Variants in TRAF3IP1 observed in about 807,000 individuals in gnomAD.
The protein encoded by TRAF3IP1 is TRAF3-interacting protein 1.
Under a neutral mutation model 89.9 loss-of-function variants are expected in TRAF3IP1, and 53 were observed. The ratio of observed to expected loss-of-function variants is 0.59; its 90% CI spans 0.47 to 0.74. The LOEUF (loss-of-function observed/expected upper bound fraction) is 0.74, where lower values mean the gene tolerates loss of function less well. Among genes scored for constraint, TRAF3IP1 ranks in the 30% least tolerant of loss-of-function variants. The pLI, the probability that TRAF3IP1 is intolerant of heterozygous loss-of-function variation, is 0.00. For synonymous variants in TRAF3IP1, 311 were observed against 322.1 expected, an observed-to-expected ratio of 0.97 and a Z score of 0.37; for missense variants, 806 against 866.1, an observed-to-expected ratio of 0.93 and a Z score of 0.87.
At chr2:238,346,661 C>T (rs1698907737) in intron 9 of TRAF3IP1, among the ~76,000 whole-genome samples, 1 of 152,216 alleles carries the variant, frequency 6.6e-6, no homozygotes, top group African/African-American at 2.4e-5. Context: ...CTCGAGGCTG[C>T]ATGAACTGTT....
In TRAF3IP1 at chr2:238,324,267, C is replaced by T. The variant is rs184551124; in HGVS notation, c.124-1039C>T. 3.6e-3 allele frequency among the ~76,000 whole-genome samples: 541 copies of T among 152,264 alleles called. 1 individual carries two copies. The highest frequency in any genetic ancestry group is 6.2e-3 in the Non-Finnish European group (420 of 68,018). Reference sequence around the variant, plus strand: ...ATTTTTAGTAGAGACGGGGTTTCACCTTGTTGGCCAGGCTGGTCTTGAACT... The same window carrying T: ...ATTTTTAGTAGAGACGGGGTTTCACTTTGTTGGCCAGGCTGGTCTTGAACT... On this transcript the variant is annotated intron_variant, in intron 1 of 16. Transcript: ENST00000373327.
rs1421815261 is a variant in TRAF3IP1, at chr2:238,320,535, C to A, written c.-128C>A. The A allele has an allele frequency of 3.9e-6, 4 of 1,016,622 alleles. No individual in the cohort carries two copies. Among genetic ancestry groups the A allele is most frequent in the South Asian group, 8.9e-5 (2 of 22,436 alleles). 63.0% of individuals were successfully genotyped at this position (1,016,622 alleles called of 1,614,324 possible). On this transcript the variant is annotated 5_prime_UTR_variant, in exon 1 of 17. Coordinates refer to ENST00000373327, the MANE Select transcript of TRAF3IP1 (RefSeq NM_015650.4). ...GCTCCGGTGCACTGTGGGATGGAAACCGGAGCGGCGCGTCCTGGCAGGACC... is the reference window on the plus strand; with the variant it reads ...GCTCCGGTGCACTGTGGGATGGAAAACGGAGCGGCGCGTCCTGGCAGGACC...
intron 3 of TRAF3IP1, among the ~76,000 whole-genome samples, chr2:238,328,182 C>T (rs778995183): frequency 6.6e-6 from 1 of 152,176 alleles, no homozygotes; most frequent in Non-Finnish European, 1.5e-5. Flanking sequence ...ATAATGGCTG[C>T]ATCATTTTAC....
intron 15 of TRAF3IP1, among the ~76,000 whole-genome samples, chr2:238,381,268 A>C (rs1700539484): frequency 6.6e-6 from 1 of 151,954 alleles, no homozygotes; most frequent in African/African-American, 2.4e-5. Flanking sequence ...TGGGGCAAAA[A>C]CCAGTGAGGG....
chr2:238,336,345 G>A (rs1006339213), intron 7 of TRAF3IP1, among the ~76,000 whole-genome samples: 1 of 152,018 alleles, frequency 6.6e-6, no homozygotes, highest in South Asian at 2.1e-4. Flanking sequence ...CCTGCTAGCC[G>A]GGCACTGACC....
At chr2:238,367,802 A>T (rs972941865) in intron 15 of TRAF3IP1, among the ~76,000 whole-genome samples, 14 of 152,286 alleles carry the variant, frequency 9.2e-5, no homozygotes, top group African/African-American at 3.1e-4. Context: ...ATCTAGCCCC[A>T]AAGTACAGGT....
intron 7 of TRAF3IP1, among the ~76,000 whole-genome samples, chr2:238,337,419 C>T (rs1559361631): frequency 6.6e-6 from 1 of 152,138 alleles, no homozygotes; most frequent in Non-Finnish European, 1.5e-5. Context: ...CTGCTGGTCC[C>T]GGAGCTGCTG....
At chr2:238,339,209 G>A (rs979115190) in intron 8 of TRAF3IP1, among the ~76,000 whole-genome samples, 5 of 152,142 alleles carry the variant, frequency 3.3e-5, no homozygotes, top group African/African-American at 9.7e-5. Context: ...AGGAGTGGGC[G>A]CACTTGGTAC....
chr2:238,332,532 G>A (rs138068838), intron 5 of TRAF3IP1, among the ~76,000 whole-genome samples: 261 of 152,254 alleles, frequency 1.7e-3, no homozygotes, highest in Middle Eastern at 3.4e-3. Context: ...AGTTCGGTGT[G>A]GCGTAGGGAT....
chr2:238,350,363 C>T (rs555038250), intron 12 of TRAF3IP1, among the ~76,000 whole-genome samples: 6 of 152,118 alleles, frequency 3.9e-5, no homozygotes, highest in South Asian at 2.1e-4. Flanking sequence ...GGTGTGGGAA[C>T]GGGCGCGGAG....
rs945950148 is a variant in TRAF3IP1, at chr2:238,329,239, G to C, written c.812G>C (p.Arg271Pro). 1.3e-5 allele frequency: 20 copies of C among 1,542,690 alleles called. No homozygotes were observed. Among genetic ancestry groups the C allele is most frequent in the Non-Finnish European group, 1.7e-5 (20 of 1,149,452 alleles). ...AGAGACAGGGACCGAGAGCGCGACC[G>C]GGACAAAGGGAAGGACAGGGACAGA... is the stretch of plus-strand genomic sequence containing the variant. ...RLRDRDRERD[R>P]DKGKDRDRRR... Residue 271 changes from arginine to proline, a missense_variant, in exon 5 of 17, where the codon CGG becomes CCG. Physicochemically the swap from Arg to Pro is moderately radical, Grantham distance 103. Around this residue, in one of 3 missense-constraint regions of TRAF3IP1, gnomAD observed 732 missense variants for 780.5 expected, o/e 0.94. Coordinates refer to ENST00000373327, the MANE Select transcript of TRAF3IP1 (RefSeq NM_015650.4).
At chr2:238,381,925 A>G (rs1700567624) in intron 15 of TRAF3IP1, among the ~76,000 whole-genome samples, 1 of 152,216 alleles carries the variant, frequency 6.6e-6, no homozygotes, top group Non-Finnish European at 1.5e-5. Context: ...GTAGGAAGCC[A>G]CAGATGGGGA....
At chr2:238,377,230 C>CTTTTTTTTTTTTTTTTTT (rs71402784) in intron 15 of TRAF3IP1, among the ~76,000 whole-genome samples, 2 of 86,716 alleles carry the variant, frequency 2.3e-5, no homozygotes, top group Non-Finnish European at 2.0e-5. Flanking sequence ...TCCTGATTTT[C>CTTTTTTTTTTTTTTTTTT]TTTTTTTTTT....
intron 15 of TRAF3IP1, 77 bp from the exon 16 acceptor site, chr2:238,397,382 T>C (rs1574984614): frequency 7.7e-7 from 1 of 1,304,254 alleles, no homozygotes; most frequent in African/African-American, 1.5e-5. Flanking sequence ...CCCATGGCCG[T>C]GTGCTGAGTG....
intron 8 of TRAF3IP1, among the ~76,000 whole-genome samples, chr2:238,340,578 G>A (rs1280727490): frequency 1.3e-5 from 2 of 152,150 alleles, no homozygotes; most frequent in Non-Finnish European, 1.5e-5. Context: ...TATGCAAGCT[G>A]TAAGGCATGC....
At chr2:238,390,215 C>CT (rs1700937203) in intron 15 of TRAF3IP1, among the ~76,000 whole-genome samples, 1 of 152,164 alleles carries the variant, frequency 6.6e-6, no homozygotes, top group Admixed American at 6.5e-5. Flanking sequence ...GAGAAACTGC[C>CT]TTTAGACACT....
chr2:238,394,273 T>C (rs1044234257), intron 15 of TRAF3IP1, among the ~76,000 whole-genome samples: 57 of 152,230 alleles, frequency 3.7e-4, no homozygotes, highest in African/African-American at 1.3e-3. Flanking sequence ...GCTATTGTAG[T>C]TCCTTTGCCT....
chr2:238,326,629 G>T (rs1339873620), intron 3 of TRAF3IP1, among the ~76,000 whole-genome samples: 1 of 152,132 alleles, frequency 6.6e-6, no homozygotes, highest in South Asian at 2.1e-4. Context: ...CTTTCCCCAG[G>T]GTCTTCCTTC....
chr2:238,365,859 A>G (rs995418803), intron 15 of TRAF3IP1, among the ~76,000 whole-genome samples: 2 of 152,134 alleles, frequency 1.3e-5, no homozygotes, highest in Non-Finnish European at 2.9e-5. Context: ...TATGTTCCCA[A>G]GTAAAATCTC....
Sources: gnomAD v4.1 joint callset for allele counts (sites outside exome capture counted in the v4.1 genomes callset) on GRCh38, gnomAD v4.1.1 for gene constraint, gnomAD v4.1.1 regional missense constraint, MANE v1.5 for transcripts, NCBI Gene and HGNC (gene_info 2026-07-23, HGNC 2026-07-21) for gene names.